PRKCA: variants seen among roughly 807,000 people sequenced by gnomAD.
PRKCA encodes protein kinase C alpha.
PRKCA carries 27 observed loss-of-function variants against 87.0 expected under a neutral mutation model. The observed-to-expected ratio is 0.31, with a 90% CI of 0.23 to 0.43. The LOEUF is 0.43. PRKCA is among the 20% of genes least tolerant of loss of function. The probability of loss-of-function intolerance (pLI) is 1.00; values close to 1 mark genes in which losing one functional copy is unlikely to be tolerated. For synonymous variants in PRKCA, 329 were observed against 311.1 expected (o/e 1.06, Z -0.61); for missense variants, 518 against 852.3 (o/e 0.61, Z 4.88).
At chr17:66,478,944 C>T (rs1394135141) in intron 2 of PRKCA, among the ~76,000 whole-genome samples, 1 of 152,150 alleles carries the variant, frequency 6.6e-6, no homozygotes, top group Non-Finnish European at 1.5e-5. Flanking sequence ...CTAGGCAACA[C>T]CATTGAGGAC....
intron 3 of PRKCA, among the ~76,000 whole-genome samples, chr17:66,558,893 G>A (rs1184158407): frequency 6.6e-6 from 1 of 152,146 alleles, no homozygotes; most frequent in Non-Finnish European, 1.5e-5. Flanking sequence ...ATGACCCTCG[G>A]ACCGGGCATG....
chr17:66,775,479 G>T (rs561032303), intron 14 of PRKCA: 4 of 984,900 alleles, frequency 4.1e-6, no homozygotes, highest in Non-Finnish European at 4.8e-6. Context: ...GGGGAAGCAG[G>T]CTTGGTAATC....
At chr17:66,335,942 A>G (rs1374520594) in intron 2 of PRKCA, among the ~76,000 whole-genome samples, 2 of 152,128 alleles carry the variant, frequency 1.3e-5, no homozygotes, top group African/African-American at 4.8e-5. Context: ...ACTAAATTTC[A>G]TTTCAGCCAA....
intron 2 of PRKCA, among the ~76,000 whole-genome samples, chr17:66,325,077 G>A (rs1212125695): frequency 6.6e-6 from 1 of 152,182 alleles, no homozygotes; most frequent in Non-Finnish European, 1.5e-5. Flanking sequence ...TTCCCTGGAA[G>A]TGCAGCATCT....
At chr17:66,751,334 G>T (rs1004344724) in intron 13 of PRKCA, among the ~76,000 whole-genome samples, 4 of 152,148 alleles carry the variant, frequency 2.6e-5, no homozygotes, top group African/African-American at 9.7e-5. Flanking sequence ...ACCTGCTCAG[G>T]GCTCACAGAT....
In PRKCA at chr17:66,792,928, T is replaced by C. The variant is rs1005399025; in HGVS notation, c.1854+3949T>C. On this transcript the variant is annotated intron_variant, in intron 16 of 16. Transcript: ENST00000413366. The surrounding 1 kb of genome is among the most constrained non-coding windows in gnomAD (Gnocchi z 4.5). ...AGTCAACAGTGGGAGAGTCCTGTCC[T>C]GGACAGAGCCATGTCTGTCCCTAAA... 6.6e-6 allele frequency among the ~76,000 whole-genome samples: 1 copy of C among 152,184 alleles called. No individual in the cohort carries two copies. Among genetic ancestry groups the C allele is most frequent in the Non-Finnish European group, 1.5e-5 (1 of 68,024 alleles).
intron 13 of PRKCA, among the ~76,000 whole-genome samples, chr17:66,747,428 G>A (rs1001064858): frequency 1.3e-5 from 2 of 152,154 alleles, no homozygotes; most frequent in Non-Finnish European, 2.9e-5. Flanking sequence ...CATCGCTATG[G>A]CGGGGGCTAC....
chr17:66,588,855 G>C (rs1274449227), intron 3 of PRKCA, among the ~76,000 whole-genome samples: 3 of 151,832 alleles, frequency 2.0e-5, no homozygotes, highest in Non-Finnish European at 4.4e-5. Context: ...TGCCCAGGCT[G>C]ATCTCGAACT....
At chr17:66,341,434 G>T (rs1907039173) in intron 2 of PRKCA, among the ~76,000 whole-genome samples, 1 of 152,166 alleles carries the variant, frequency 6.6e-6, no homozygotes, top group African/African-American at 2.4e-5. Context: ...TCTTTCTGGA[G>T]ATAGAAAATT....
intron 13 of PRKCA, among the ~76,000 whole-genome samples, chr17:66,745,909 G>A (rs1974269162): frequency 6.6e-6 from 1 of 152,060 alleles, no homozygotes; most frequent in African/African-American, 2.4e-5. Context: ...CGAAACTTGA[G>A]CGACTCACGT....
intron 2 of PRKCA, among the ~76,000 whole-genome samples, chr17:66,341,385 T>A (rs1405740994): frequency 2.0e-5 from 3 of 152,194 alleles, no homozygotes; most frequent in East Asian, 1.9e-4. Flanking sequence ...TAAGTAATTT[T>A]AAAAATTTAT....
At chr17:66,642,953 T>C (rs772061143) in intron 4 of PRKCA, among the ~76,000 whole-genome samples, 28 of 152,078 alleles carry the variant, frequency 1.8e-4, no homozygotes, top group Non-Finnish European at 3.7e-4. Flanking sequence ...GGCAGGAGAA[T>C]TGCTTGAACC....
Position 66,303,002 on chromosome 17 carries a change from A to C in PRKCA, c.151A>C (p.Ser51Arg). The change falls in exon 1 of 17, where the codon AGC becomes CGC. Residue 51 changes from serine (S) to arginine (R), a missense_variant. This residue lies in a region of PRKCA where 25 missense variants were observed against 72.1 expected (regional missense o/e 0.35). Coordinates refer to ENST00000413366, the MANE Select transcript of PRKCA (RefSeq NM_002737.3). ...CTTCTTCAAGCAGCCCACCTTCTGC[A>C]GCCACTGCACCGACTTCATCTGGTA... ...ARFFKQPTFCSHCTDFIWGFG... is the reference protein window; with the variant it reads ...ARFFKQPTFCRHCTDFIWGFG... The C allele has an allele frequency of 6.2e-7, 1 of 1,611,008 alleles. No homozygotes were observed. The highest frequency in any genetic ancestry group is 8.5e-7 in the Non-Finnish European group (1 of 1,178,566).
At chr17:66,594,878 G>A in intron 3 of PRKCA, among the ~76,000 whole-genome samples, 1 of 152,112 alleles carries the variant, frequency 6.6e-6, no homozygotes, top group Non-Finnish European at 1.5e-5. Context: ...CTCACTGAGG[G>A]AATTAATTAA....
At chr17:66,388,595 G>A (rs989986288) in intron 2 of PRKCA, among the ~76,000 whole-genome samples, 5 of 152,046 alleles carry the variant, frequency 3.3e-5, no homozygotes, top group Admixed American at 2.0e-4. Flanking sequence ...GTGCCCAGCC[G>A]ATACTTAGCT....
chr17:66,365,103 A>G (rs1299214887), intron 2 of PRKCA, among the ~76,000 whole-genome samples: 2 of 152,174 alleles, frequency 1.3e-5, no homozygotes, highest in African/African-American at 2.4e-5. Flanking sequence ...TAAAAGCAGC[A>G]TTTATCTTTG....
chr17:66,418,240 G>A (rs950674337), intron 2 of PRKCA, among the ~76,000 whole-genome samples: 3 of 152,072 alleles, frequency 2.0e-5, no homozygotes, highest in African/African-American at 4.8e-5. Context: ...GTGTGTGCGC[G>A]TATGTGTATA....
chr17:66,426,105 GT>G (rs1912789285), intron 2 of PRKCA, among the ~76,000 whole-genome samples: 1 of 152,154 alleles, frequency 6.6e-6, no homozygotes, highest in African/African-American at 2.4e-5. Flanking sequence ...TGAGAAAAGT[GT>G]CATTATTTGC....
intron 2 of PRKCA, among the ~76,000 whole-genome samples, chr17:66,478,517 G>A (rs989422193): frequency 2.6e-5 from 4 of 152,096 alleles, no homozygotes; most frequent in African/African-American, 9.7e-5. Flanking sequence ...GCCTTCTGAA[G>A]TGTTGGGATT....
Sources: allele counts gnomAD v4.1 joint callset (sites outside exome capture counted in the v4.1 genomes callset), GRCh38; gene constraint gnomAD v4.1.1; regional missense constraint gnomAD v4.1.1; non-coding constraint Gnocchi (gnomAD v3.1); transcripts MANE v1.5; gene names NCBI Gene and HGNC (gene_info 2026-07-23, HGNC 2026-07-21).